Variants in UTS2B observed in about 807,000 individuals in gnomAD.
UTS2B encodes urotensin-2B.
Under a neutral mutation model 19.2 loss-of-function variants are expected in UTS2B, and 21 were observed. The observed-to-expected ratio is 1.09, with a 90% CI of 0.78 to 1.58. The LOEUF (loss-of-function observed/expected upper bound fraction) is 1.58. Among genes scored for constraint, UTS2B ranks in the 40% most tolerant of loss-of-function variants. The probability of loss-of-function intolerance (pLI) is 0.00; values close to 1 mark genes in which losing one functional copy is unlikely to be tolerated. For synonymous variants in UTS2B, 57 were observed against 50.2 expected, an observed-to-expected ratio of 1.14 and a Z score of -0.58; for missense variants, 138 against 130.3, an observed-to-expected ratio of 1.06 and a Z score of -0.29.
chr3:191,268,595 TAATC>T (rs1716006027), intron 8 of UTS2B, among the ~76,000 whole-genome samples, 154 bp from the exon 9 acceptor site: 1 of 152,238 alleles, frequency 6.6e-6, no homozygotes, highest in African/African-American at 2.4e-5. Context: ...ATCTTTAAGT[TAATC>T]ACAATTAAAT....
chr3:191,285,560 A>G (rs1330278684), intron 4 of UTS2B, among the ~76,000 whole-genome samples: 1 of 152,196 alleles, frequency 6.6e-6, no homozygotes, highest in African/African-American at 2.4e-5. Context: ...ACAATACCCA[A>G]CTATATGCTG....
chr3:191,271,200 C>CAAAAAAAAA (rs66756396), intron 8 of UTS2B, among the ~76,000 whole-genome samples: 3 of 52,768 alleles, frequency 5.7e-5, no homozygotes, highest in African/African-American at 2.2e-4. Context: ...GAGACTCTCT[C>CAAAAAAAAA]AAAAAAAAAA....
the UTS2B span, among the ~76,000 whole-genome samples, chr3:191,342,024 T>C: frequency 2.5e-4 from 38 of 152,368 alleles, 1 homozygote; most frequent in Admixed American, 2.2e-3. Context: ...ATTCTAGGAA[T>C]GTACCCATGA....
chr3:191,332,597 C>T (rs1321569240), upstream of UTS2B, among the ~76,000 whole-genome samples: 1 of 152,148 alleles, frequency 6.6e-6, no homozygotes, highest in Non-Finnish European at 1.5e-5. Context: ...ATGCAAAATG[C>T]AATTTGCGAA....
chr3:191,310,309 C>T lies in UTS2B; in HGVS notation c.-182+5727G>A, dbSNP rs1481963533. On this transcript the variant is annotated intron_variant, in intron 3 of 8. Coordinates refer to ENST00000340524, the MANE Select transcript of UTS2B (RefSeq NM_198152.5). Reference sequence around the variant, plus strand: ...ATAGCAATGTGAGAATGACCTAACACGAAGATAGAGATAACATCCCCTTTC... The same window carrying T: ...ATAGCAATGTGAGAATGACCTAACATGAAGATAGAGATAACATCCCCTTTC... 2.6e-5 allele frequency among the ~76,000 whole-genome samples: 4 copies of T among 151,266 alleles called. 1 individual carries two copies. The highest frequency in any genetic ancestry group is 4.2e-4 in the South Asian group (2 of 4,800).
the UTS2B span, among the ~76,000 whole-genome samples, chr3:191,344,784 G>A: frequency 4.6e-5 from 7 of 152,144 alleles, no homozygotes; most frequent in Admixed American, 2.0e-4. Flanking sequence ...TCACTCTGTT[G>A]CCCAGGCTGG....
intron 4 of UTS2B, among the ~76,000 whole-genome samples, chr3:191,289,788 G>T (rs1013953161): frequency 3.9e-5 from 6 of 152,188 alleles, no homozygotes; most frequent in Non-Finnish European, 7.4e-5. Flanking sequence ...AGGAGCTTGG[G>T]TTGTGGGGAA....
upstream of UTS2B, among the ~76,000 whole-genome samples, chr3:191,331,580 T>G (rs1384385402): frequency 6.6e-6 from 1 of 152,222 alleles, no homozygotes; most frequent in African/African-American, 2.4e-5. Context: ...CAATTAAATA[T>G]TAATTTTGAA....
At chr3:191,277,937 C>T in intron 6 of UTS2B, 135 bp downstream of exon 6, 1 of 487,480 alleles carries the variant, frequency 2.1e-6, no homozygotes, top group Non-Finnish European at 3.6e-6. Flanking sequence ...AAAAAAATCA[C>T]TTAAATCTTT....
At position 191,324,456 on chromosome 3, in the gene UTS2B, G is replaced by A. The variant is rs562382154; in HGVS notation, c.-586+4175C>T. On this transcript the variant is annotated intron_variant, in intron 2 of 8. Transcript: ENST00000340524. Reference sequence around the variant, plus strand: ...TTCCCACATGTGGTGGGAGGGACCTGGTGGGAGATAATTGAATTATGGAGG... The same window carrying A: ...TTCCCACATGTGGTGGGAGGGACCTAGTGGGAGATAATTGAATTATGGAGG... Among the ~76,000 whole-genome samples the A allele has an allele frequency of 2.3e-3, 352 of 152,308 alleles. 20 individuals are homozygous for A. In the South Asian group the frequency reaches 0.071, roughly 31 times the overall value.
chr3:191,269,482 CCTT>C (rs562746951), intron 8 of UTS2B, among the ~76,000 whole-genome samples: 26 of 151,918 alleles, frequency 1.7e-4, no homozygotes, highest in African/African-American at 5.1e-4. Context: ...ACTAATCTCA[CCTT>C]CTTCTTTTTT....
chr3:191,337,417 C>T, the UTS2B span, among the ~76,000 whole-genome samples: 2 of 150,666 alleles, frequency 1.3e-5, no homozygotes, highest in African/African-American at 2.4e-5. Context: ...TTTTTTAAGA[C>T]GGTGTCTAGC....
At chr3:191,273,718 A>T (rs966411522) in intron 8 of UTS2B, among the ~76,000 whole-genome samples, 2 of 152,164 alleles carry the variant, frequency 1.3e-5, no homozygotes, top group African/African-American at 2.4e-5. Context: ...CTCTATTTCA[A>T]CCTTTCTCTT....
In UTS2B at chr3:191,281,973, A is replaced by C. The variant is rs570231550; in HGVS notation, c.103+114T>G. 309 of 763,224 alleles carry C rather than the reference A, an allele frequency of 4.0e-4. 1 individual carries two copies. In the African/African-American group the frequency reaches 5.0e-3, roughly 12 times the overall value. 47.3% of individuals were successfully genotyped at this position (763,224 alleles called of 1,614,324 possible). ...CTTAAGGGAGATTTGGCTATTAAATAATATTTATTCCTTAAAACATTATTT... is the reference window on the plus strand; with the variant it reads ...CTTAAGGGAGATTTGGCTATTAAATCATATTTATTCCTTAAAACATTATTT... On this transcript the variant is annotated intron_variant, in intron 5 of 8. Coordinates refer to ENST00000340524, the MANE Select transcript of UTS2B (RefSeq NM_198152.5).
chr3:191,336,713 A>T, the UTS2B span, among the ~76,000 whole-genome samples: 1 of 152,220 alleles, frequency 6.6e-6, no homozygotes, highest in East Asian at 1.9e-4. Flanking sequence ...TAGTTTTTAT[A>T]TACAGACTAT....
At chr3:191,291,554 G>A (rs930012208) in intron 4 of UTS2B, among the ~76,000 whole-genome samples, 10 of 152,034 alleles carry the variant, frequency 6.6e-5, no homozygotes, top group African/African-American at 2.4e-4. Flanking sequence ...CTGGGTTCAT[G>A]CCATTCTCCT....
chr3:191,282,889 C>A (rs1029812814), intron 4 of UTS2B, among the ~76,000 whole-genome samples: 3 of 152,172 alleles, frequency 2.0e-5, no homozygotes, highest in African/African-American at 7.2e-5. Flanking sequence ...TCAAAGCTGG[C>A]AAATGTCCCA....
At chr3:191,307,192 A>C (rs916662868) in intron 3 of UTS2B, among the ~76,000 whole-genome samples, 3 of 152,102 alleles carry the variant, frequency 2.0e-5, no homozygotes, top group Non-Finnish European at 4.4e-5. Flanking sequence ...TGTTCCTAGC[A>C]CTCTGTGTGA....
At chr3:191,336,737 T>C in the UTS2B span, among the ~76,000 whole-genome samples, 20 of 152,330 alleles carry the variant, frequency 1.3e-4, no homozygotes, top group African/African-American at 2.4e-4. Flanking sequence ...CTCAGACTTA[T>C]GCAATTACAT....
Sources: gnomAD v4.1 joint callset for allele counts (sites outside exome capture counted in the v4.1 genomes callset) on GRCh38, gnomAD v4.1.1 for gene constraint, MANE v1.5 for transcripts, NCBI Gene and HGNC (gene_info 2026-07-23, HGNC 2026-07-21) for gene names.